UST: variants seen among roughly 807,000 people sequenced by gnomAD.
UST encodes the protein chondroitin sulfate 2-O-sulfotransferase.
A neutral mutation model predicts 45.6 loss-of-function variants in UST; 21 were observed. The ratio of observed to expected loss-of-function variants is 0.46; its 90% CI spans 0.33 to 0.66. The LOEUF is 0.66. UST is among the 30% of genes least tolerant of loss of function. The probability of loss-of-function intolerance (pLI) is 0.02; values close to 1 mark genes in which losing one functional copy is unlikely to be tolerated. For synonymous variants in UST, 215 were observed against 200.6 expected (o/e 1.07, Z -0.61); for missense variants, 463 against 512.4 (o/e 0.90, Z 0.93).
At chr6:148,980,240 G>A (rs1781103537) in intron 5 of UST, among the ~76,000 whole-genome samples, 1 of 152,108 alleles carries the variant, frequency 6.6e-6, no homozygotes, top group African/African-American at 2.4e-5. Flanking sequence ...TTTAAAAAGA[G>A]TTATTTCCTT....
intron 1 of UST, among the ~76,000 whole-genome samples, chr6:148,837,700 T>TC (rs1562272903): frequency 2.6e-5 from 4 of 151,006 alleles, no homozygotes; most frequent in Middle Eastern, 6.9e-3. Context: ...TTTTTTTTTT[T>TC]CTCTCCTTTT....
intron 7 of UST, among the ~76,000 whole-genome samples, chr6:149,030,524 G>T (rs1320245876): frequency 6.6e-6 from 1 of 151,762 alleles, no homozygotes; most frequent in Non-Finnish European, 1.5e-5. Flanking sequence ...TCTGTCCAAC[G>T]TATCTGTCTG....
rs191112620 is a variant in UST, at chr6:148,946,460, G to A, written c.447+5026G>A. Among the ~76,000 whole-genome samples the A allele has an allele frequency of 1.2e-4, 17 of 140,442 alleles. No homozygotes were observed. The East Asian group carries it at 3.3e-3, about 27-fold the overall frequency. 92.1% of individuals were successfully genotyped at this position (140,442 alleles called of 152,430 possible). A position where few individuals can be genotyped will look rare whatever the true frequency, so the allele number is the denominator to read the frequency against. ...CAGGAGGCAGAGGTTGCAGTGAGCC[G>A]AAGTTGCACGACTGCACTCCAGCCT... On this transcript the variant is annotated intron_variant, in intron 3 of 7. Transcript: ENST00000367463.
chr6:148,959,901 G>A (rs2114951241), intron 4 of UST, among the ~76,000 whole-genome samples: 1 of 152,062 alleles, frequency 6.6e-6, no homozygotes, highest in South Asian at 2.1e-4. Context: ...TGCAGGGGGT[G>A]TGAGGACAGA....
At chr6:148,897,659 CTT>C (rs199789231) in intron 2 of UST, among the ~76,000 whole-genome samples, 1 of 146,074 alleles carries the variant, frequency 6.8e-6, no homozygotes, top group Non-Finnish European at 1.5e-5. Flanking sequence ...GCCCAGCTAA[CTT>C]TTTTTTTTTG....
chr6:148,768,189 G>A (rs1776354505), intron 1 of UST, among the ~76,000 whole-genome samples: 1 of 152,092 alleles, frequency 6.6e-6, no homozygotes, highest in South Asian at 2.1e-4. Flanking sequence ...TCATTTGATT[G>A]GTGAAAATGA....
At chr6:148,875,236 A>G (rs1246278248) in intron 1 of UST, among the ~76,000 whole-genome samples, 1 of 152,218 alleles carries the variant, frequency 6.6e-6, no homozygotes, top group East Asian at 1.9e-4. Flanking sequence ...AGACCAATTC[A>G]GACTAAAATA....
chr6:148,875,931 A>G (rs1260003458), intron 1 of UST, among the ~76,000 whole-genome samples: 1 of 152,278 alleles, frequency 6.6e-6, no homozygotes, highest in East Asian at 1.9e-4. Flanking sequence ...TGCTGCACAC[A>G]TTTAATACAT....
chr6:148,993,111 T>C (rs1781386744), intron 5 of UST: 1 of 975,156 alleles, frequency 1.0e-6, no homozygotes, highest in African/African-American at 1.8e-5. Flanking sequence ...TCAGTTAACA[T>C]CTTAAATGCC....
intron 1 of UST, among the ~76,000 whole-genome samples, chr6:148,767,164 TACC>T (rs1389685375): frequency 6.6e-5 from 10 of 152,226 alleles, no homozygotes; most frequent in Non-Finnish European, 1.3e-4. Context: ...AAATAATGAA[TACC>T]TGTAAACAAC....
chr6:148,820,840 G>A (rs1240967975), intron 1 of UST, among the ~76,000 whole-genome samples: 6 of 136,726 alleles, frequency 4.4e-5, no homozygotes, highest in East Asian at 2.1e-4. Context: ...GCAACAGAGC[G>A]AGACTCCATC....
intron 1 of UST, among the ~76,000 whole-genome samples, chr6:148,758,347 T>C (rs1776136120): frequency 1.3e-5 from 2 of 152,248 alleles, no homozygotes; most frequent in African/African-American, 2.4e-5. Flanking sequence ...AATGACACAT[T>C]TTTTGCACAG....
intron 1 of UST, among the ~76,000 whole-genome samples, chr6:148,765,684 T>C (rs900930923): frequency 3.3e-5 from 5 of 152,198 alleles, no homozygotes; most frequent in African/African-American, 1.2e-4. Flanking sequence ...TAAATGTCCA[T>C]GAAATCTTCA....
chr6:149,041,514 A>T (rs993395878), intron 7 of UST, among the ~76,000 whole-genome samples: 4 of 152,150 alleles, frequency 2.6e-5, no homozygotes, highest in African/African-American at 9.7e-5. Context: ...GCTCTTCTGG[A>T]GGGAACCCCT....
At chr6:148,802,874 T>G (rs1777078169) in intron 1 of UST, among the ~76,000 whole-genome samples, 1 of 152,214 alleles carries the variant, frequency 6.6e-6, no homozygotes. Context: ...TTTGGTCCCC[T>G]TGCTAGCACA....
chr6:148,887,059 C>A (rs1778925034), intron 2 of UST, 30 bp downstream of exon 2: 2 of 1,588,496 alleles, frequency 1.3e-6, no homozygotes, highest in Non-Finnish European at 1.7e-6. Flanking sequence ...TATAAGTCCC[C>A]TTTTTCTTTT....
chr6:149,010,913 A>AAAAAAAAAACAAAAAAAAAC (rs755674810), intron 5 of UST, among the ~76,000 whole-genome samples: 1 of 92,968 alleles, frequency 1.1e-5, no homozygotes, highest in Non-Finnish European at 2.0e-5. Context: ...AAAAAAAAAA[A>AAAAAAAAAACAAAAAAAAAC]AAAAAACTGT....
At chr6:148,809,615 G>C (rs1473008965) in intron 1 of UST, among the ~76,000 whole-genome samples, 1 of 152,238 alleles carries the variant, frequency 6.6e-6, no homozygotes, top group African/African-American at 2.4e-5. Flanking sequence ...GAAGCTAGGA[G>C]CTAGGTGTGC....
At chr6:148,923,311 G>T (rs1264785920) in intron 2 of UST, among the ~76,000 whole-genome samples, 1 of 152,100 alleles carries the variant, frequency 6.6e-6, no homozygotes, top group African/African-American at 2.4e-5. Flanking sequence ...GGAATTTCTG[G>T]GTCATATAGT....
Sources: gnomAD v4.1 joint callset for allele counts (sites outside exome capture counted in the v4.1 genomes callset) on GRCh38, gnomAD v4.1.1 for gene constraint, MANE v1.5 for transcripts, NCBI Gene and HGNC (gene_info 2026-07-23, HGNC 2026-07-21) for gene names.